The following GRIK1 variants were observed in gnomAD, a reference collection of about 807,000 sequenced individuals.
GRIK1 encodes glutamate ionotropic receptor kainate type subunit 1.
In GRIK1, 69 loss-of-function variants were observed where a neutral mutation model predicts 105.7. That is an observed-to-expected ratio of 0.65 (90% CI 0.54 to 0.80). The LOEUF (loss-of-function observed/expected upper bound fraction) is 0.80. Among genes scored for constraint, GRIK1 ranks in the 30% least tolerant of loss-of-function variants. The probability of loss-of-function intolerance (pLI) is 0.00; values close to 1 mark genes in which losing one functional copy is unlikely to be tolerated. For synonymous variants in GRIK1, 438 were observed against 431.3 expected (o/e 1.02, Z -0.19); for missense variants, 1,109 against 1,167.3 (o/e 0.95, Z 0.73).
At chr21:29,684,868 A>G (rs985813299) in intron 3 of GRIK1, among the ~76,000 whole-genome samples, 1 of 152,134 alleles carries the variant, frequency 6.6e-6, no homozygotes, top group Non-Finnish European at 1.5e-5. Flanking sequence ...TCTATTTTCT[A>G]TCATGTATCT....
intron 7 of GRIK1, among the ~76,000 whole-genome samples, chr21:29,602,805 T>C (rs755105058): frequency 6.6e-6 from 1 of 152,226 alleles, no homozygotes; most frequent in African/African-American, 2.4e-5. Context: ...CATTGCTCAG[T>C]AGACTTTTGG....
At chr21:29,693,618 G>A (rs1177491311) in intron 2 of GRIK1, among the ~76,000 whole-genome samples, 1 of 152,158 alleles carries the variant, frequency 6.6e-6, no homozygotes, top group Non-Finnish European at 1.5e-5. Context: ...AGGAAAAACA[G>A]ATCAAGCTTG....
chr21:29,819,754 G>A (rs534950536), intron 1 of GRIK1, among the ~76,000 whole-genome samples: 2 of 152,112 alleles, frequency 1.3e-5, no homozygotes, highest in African/African-American at 4.8e-5. Flanking sequence ...TGAAATAAAA[G>A]CTACGAGAAG....
Position 29,569,724 on chromosome 21 carries a change from T to C in GRIK1, c.2130+7240A>G, listed in dbSNP as rs1461942015. On this transcript the variant is annotated intron_variant, in intron 14 of 17. Transcript: ENST00000327783. ...TTTCTTCATCTGGGGAAAAAAAATG[T>C]GACTTTCTACACTATCACTGTGAGA... Among the ~76,000 whole-genome samples, 3 of 152,200 alleles carry C rather than the reference T, an allele frequency of 2.0e-5. No individual in the cohort carries two copies. The South Asian group carries it at 6.2e-4, about 31-fold the overall frequency.
At chr21:29,913,049 G>A (rs1375977143) in intron 1 of GRIK1, among the ~76,000 whole-genome samples, 1 of 152,008 alleles carries the variant, frequency 6.6e-6, no homozygotes, top group African/African-American at 2.4e-5. Flanking sequence ...ATATTTTTAT[G>A]CCAGAAAGAC....
chr21:29,681,835 T>G (rs1437502746), intron 3 of GRIK1, among the ~76,000 whole-genome samples: 1 of 152,168 alleles, frequency 6.6e-6, no homozygotes, highest in African/African-American at 2.4e-5. Flanking sequence ...CAATAAATAT[T>G]TGTGGAATGA....
At chr21:29,797,511 T>C (rs1327996805) in intron 1 of GRIK1, among the ~76,000 whole-genome samples, 3 of 152,240 alleles carry the variant, frequency 2.0e-5, no homozygotes, top group Non-Finnish European at 4.4e-5. Context: ...GTGTATTATA[T>C]ATGCACCCTC....
chr21:29,781,680 T>TTG (rs1569085753), intron 1 of GRIK1, among the ~76,000 whole-genome samples: 1 of 119,052 alleles, frequency 8.4e-6, no homozygotes, highest in African/African-American at 2.7e-5. Context: ...TTTTTTTTTT[T>TTG]TGAGACGGAG....
At chr21:29,848,775 A>ATTT (rs1377759637) in intron 1 of GRIK1, among the ~76,000 whole-genome samples, 10 of 90,126 alleles carry the variant, frequency 1.1e-4, no homozygotes, top group South Asian at 1.1e-3. Flanking sequence ...ATATATATAT[A>ATTT]TATATTTTTT....
At chr21:29,877,333 G>C (rs1468772441) in intron 1 of GRIK1, among the ~76,000 whole-genome samples, 1 of 151,960 alleles carries the variant, frequency 6.6e-6, no homozygotes, top group Non-Finnish European at 1.5e-5. Flanking sequence ...AGTGGCCTTT[G>C]GAGGATTAAT....
At chr21:29,751,381 C>T (rs1303920484) in intron 1 of GRIK1, among the ~76,000 whole-genome samples, 2 of 152,222 alleles carry the variant, frequency 1.3e-5, no homozygotes, top group African/African-American at 2.4e-5. Flanking sequence ...CTGTCCTTAG[C>T]TTACCTCCCT....
chr21:29,834,884 T>C (rs1200254871), intron 1 of GRIK1, among the ~76,000 whole-genome samples: 1 of 149,324 alleles, frequency 6.7e-6, no homozygotes, highest in South Asian at 2.1e-4. Context: ...TATTAATTAA[T>C]ATTAATTATT....
chr21:29,691,038 A>T (rs2063575325), intron 2 of GRIK1, among the ~76,000 whole-genome samples: 3 of 152,074 alleles, frequency 2.0e-5, no homozygotes, highest in Admixed American at 2.0e-4. Flanking sequence ...AATATTAAAC[A>T]TTTGGCTCAT....
At chr21:29,560,376 C>T (rs1390682631) in intron 15 of GRIK1, among the ~76,000 whole-genome samples, 671 of 41,578 alleles carry the variant, frequency 0.016, 3 homozygotes, top group Admixed American at 0.02. Context: ...TTCCTTCCTT[C>T]CTTCCTTCCT....
At chr21:29,685,802 C>T (rs2063476933) in intron 3 of GRIK1, among the ~76,000 whole-genome samples, 1 of 152,142 alleles carries the variant, frequency 6.6e-6, no homozygotes. Flanking sequence ...TCTCCTGACC[C>T]CCGGTATCCT....
chr21:29,673,733 T>C (rs1776674808), intron 3 of GRIK1, among the ~76,000 whole-genome samples: 1 of 152,234 alleles, frequency 6.6e-6, no homozygotes, highest in South Asian at 2.1e-4. Context: ...TATATTTGAA[T>C]GTTAACTTGG....
intron 3 of GRIK1, among the ~76,000 whole-genome samples, chr21:29,683,748 T>C (rs578001669): frequency 6.8e-4 from 103 of 152,360 alleles, no homozygotes; most frequent in Non-Finnish European, 9.4e-4. Flanking sequence ...GACCTTCATA[T>C]GTACCCTTTA....
chr21:29,895,636 C>T (rs1331360468), intron 1 of GRIK1, among the ~76,000 whole-genome samples: 1 of 152,192 alleles, frequency 6.6e-6, no homozygotes, highest in East Asian at 1.9e-4. Flanking sequence ...AACATTCACG[C>T]AGCAGTTGAT....
At chr21:29,724,971 T>A (rs1471848474) in intron 1 of GRIK1, among the ~76,000 whole-genome samples, 1 of 150,608 alleles carries the variant, frequency 6.6e-6, no homozygotes, top group Non-Finnish European at 1.5e-5. Context: ...TCGAATTCCT[T>A]CAGAAAGCTA....
Sources: allele counts gnomAD v4.1 joint callset (sites outside exome capture counted in the v4.1 genomes callset), GRCh38; gene constraint gnomAD v4.1.1; transcripts MANE v1.5; gene names NCBI Gene and HGNC (gene_info 2026-07-23, HGNC 2026-07-21).